Variants in HTR2C observed in about 807,000 individuals in gnomAD.
HTR2C encodes the protein 5-hydroxytryptamine receptor 2C, also known as 5-hydroxytryptamine (serotonin) receptor 2C, G protein-coupled.
A neutral mutation model predicts 21.0 loss-of-function variants in HTR2C; 5 were observed. The ratio of observed to expected loss-of-function variants is 0.24; its 90% CI spans 0.12 to 0.50. The LOEUF is 0.50. Among genes scored for constraint, HTR2C ranks in the 20% least tolerant of loss-of-function variants. The pLI, the probability that HTR2C is intolerant of heterozygous loss-of-function variation, is 0.98. For synonymous variants in HTR2C, 150 were observed against 145.3 expected, an observed-to-expected ratio of 1.03 and a Z score of -0.23; for missense variants, 271 against 371.2, an observed-to-expected ratio of 0.73 and a Z score of 2.22.
intron 2 of HTR2C, among the ~76,000 whole-genome samples, chrX:114,678,617 G>A (rs1931646868): frequency 9.0e-6 from 1 of 111,561 alleles, no homozygotes; most frequent in African/African-American, 3.3e-5. Context: ...TTCCCTGCCT[G>A]TTTCACATTC....
chrX:114,744,123 AATATAC>A (rs1164735223), intron 4 of HTR2C, among the ~76,000 whole-genome samples: 11 of 110,711 alleles, frequency 9.9e-5, no homozygotes, highest in Admixed American at 1.9e-4. Flanking sequence ...TAATTTCACA[AATATAC>A]ATATATATGT....
chrX:114,775,068 T>G (rs2147393972), intron 4 of HTR2C: 2 of 493,745 alleles, frequency 4.1e-6, no homozygotes, highest in Non-Finnish European at 7.4e-6. Flanking sequence ...GAATCTTCTG[T>G]TTGTCCTCAC....
chrX:114,733,303 G>A (rs782338573), intron 4 of HTR2C, among the ~76,000 whole-genome samples: 1 of 109,353 alleles, frequency 9.1e-6, no homozygotes, highest in South Asian at 4.0e-4. Flanking sequence ...CCAACTACTC[G>A]GGAGGCTGAG....
rs1247522382 is a variant in HTR2C at position 114,713,829 on chromosome X, T to G, written c.-79-13029T>G. On this transcript the variant is annotated intron_variant, in intron 2 of 5. Coordinates refer to ENST00000276198, the MANE Select transcript of HTR2C (RefSeq NM_000868.4). ...TGTAGTTGTAGCACCTTTCTTTTCA[T>G]TCCTCACTCTCAAAACACATGCATA... Among the ~76,000 whole-genome samples the G allele has an allele frequency of 4.5e-5, 5 of 111,186 alleles. 1 individual carries two copies. Among genetic ancestry groups the G allele is most frequent in the Non-Finnish European group, 9.5e-5 (5 of 52,800 alleles).
chrX:114,621,222 C>G (rs782263990), intron 2 of HTR2C, among the ~76,000 whole-genome samples: 2 of 111,766 alleles, frequency 1.8e-5, no homozygotes, highest in South Asian at 7.5e-4. Context: ...TTTCCATGGA[C>G]TACACTTGGA....
chrX:114,627,688 C>T (rs1556403194), intron 2 of HTR2C, among the ~76,000 whole-genome samples: 1 of 111,926 alleles, frequency 8.9e-6, no homozygotes, highest in East Asian at 2.8e-4. Flanking sequence ...TATCATTGCA[C>T]AGTCTCCTTT....
At chrX:114,805,522 A>G (rs1352255262) in intron 4 of HTR2C, among the ~76,000 whole-genome samples, 1 of 75,042 alleles carries the variant, frequency 1.3e-5, no homozygotes, top group East Asian at 4.7e-4. Flanking sequence ...ATATATATGC[A>G]CCATATATAT....
intron 1 of HTR2C, among the ~76,000 whole-genome samples, chrX:114,602,078 A>G (rs1391481702): frequency 5.6e-4 from 48 of 85,981 alleles, no homozygotes; most frequent in African/African-American, 2.0e-3. Flanking sequence ...ATCTGATTAG[A>G]GAGTGCTTAA....
At position 114,908,800 on chromosome X, in the gene HTR2C, T is replaced by C. The variant is rs782033748; in HGVS notation, c.*1385T>C. ...TAGCATTTTAATAGTTTCTAAACCA[T>C]GAAAAGTTTTCAAGCATTGCTAAAG... On this transcript the variant is annotated 3_prime_UTR_variant, in exon 6 of 6. Coordinates refer to ENST00000276198, the MANE Select transcript of HTR2C (RefSeq NM_000868.4). The C allele has an allele frequency of 8.9e-6, 1 of 112,868 alleles. No homozygotes were observed. Among genetic ancestry groups the C allele is most frequent in the Admixed American group, 9.4e-5 (1 of 10,623 alleles). 9.3% of individuals were successfully genotyped at this position (112,868 alleles called of 1,213,427 possible).
intron 4 of HTR2C, among the ~76,000 whole-genome samples, chrX:114,837,578 T>G (rs965933365): frequency 9.0e-6 from 1 of 111,315 alleles, no homozygotes; most frequent in Non-Finnish European, 1.9e-5. Context: ...GCACTTGTTC[T>G]TGGACTAGTT....
rs371746761 is a variant in HTR2C at position 114,750,433 on chromosome X, A to T, written c.349+18826A>T. Among the ~76,000 whole-genome samples, 3 of 112,347 alleles carry T rather than the reference A, an allele frequency of 2.7e-5. No homozygotes were observed. The South Asian group carries it at 1.1e-3, about 41-fold the overall frequency. On this transcript the variant is annotated intron_variant, in intron 4 of 5. Transcript: ENST00000276198. The stretch of plus-strand genomic sequence containing the variant: ...TTGTAAATAAATCAGTTACATAAAG[A>T]TATATTATTCAGCTGTCAACACTGT...
intron 2 of HTR2C, among the ~76,000 whole-genome samples, chrX:114,653,665 C>A (rs1448990022): frequency 9.1e-6 from 1 of 110,481 alleles, no homozygotes; most frequent in Non-Finnish European, 1.9e-5. Flanking sequence ...TCTCCTTGTT[C>A]ATCTTTCTTC....
At chrX:114,827,758 G>C (rs1556459022) in intron 4 of HTR2C, among the ~76,000 whole-genome samples, 1 of 111,028 alleles carries the variant, frequency 9.0e-6, no homozygotes, top group African/African-American at 3.3e-5. Flanking sequence ...ATTTCCACTG[G>C]ATATGGAATT....
At chrX:114,619,885 T>G (rs1556401291) in intron 2 of HTR2C, among the ~76,000 whole-genome samples, 1 of 112,147 alleles carries the variant, frequency 8.9e-6, no homozygotes, top group African/African-American at 3.2e-5. Context: ...CAGTATTTGC[T>G]TTCGCTCAAT....
chrX:114,830,967 G>C (rs1204581592), intron 4 of HTR2C, among the ~76,000 whole-genome samples: 1 of 80,950 alleles, frequency 1.2e-5, no homozygotes, highest in Non-Finnish European at 2.4e-5. Flanking sequence ...TTGTTCTCGC[G>C]ATAGTTTACT....
chrX:114,723,811 T>C (rs1556421225), intron 2 of HTR2C, among the ~76,000 whole-genome samples: 1 of 106,908 alleles, frequency 9.4e-6, no homozygotes, highest in Non-Finnish European at 1.9e-5. Context: ...TCAGTTTCCA[T>C]GTAGTTGAGC....
intron 2 of HTR2C, among the ~76,000 whole-genome samples, chrX:114,695,940 A>G (rs1383128712): frequency 8.9e-6 from 1 of 112,025 alleles, no homozygotes; most frequent in African/African-American, 3.2e-5. Flanking sequence ...GTCCCTATTT[A>G]AGTATAATTT....
At chrX:114,792,125 T>C (rs1255657921) in intron 4 of HTR2C, among the ~76,000 whole-genome samples, 1 of 112,218 alleles carries the variant, frequency 8.9e-6, no homozygotes. Context: ...AATTTTTTTA[T>C]TTTACTTTAA....
At chrX:114,651,072 A>G (rs1407231037) in intron 2 of HTR2C, among the ~76,000 whole-genome samples, 1 of 112,018 alleles carries the variant, frequency 8.9e-6, no homozygotes, top group Non-Finnish European at 1.9e-5. Context: ...TACATTTATG[A>G]TTATCCCTGT....
Sources: gnomAD v4.1 joint callset for allele counts (sites outside exome capture counted in the v4.1 genomes callset) on GRCh38, gnomAD v4.1.1 for gene constraint, MANE v1.5 for transcripts, NCBI Gene and HGNC (gene_info 2026-07-23, HGNC 2026-07-21) for gene names.